ARF4: variants seen among roughly 807,000 people sequenced by gnomAD.
ARF4 encodes ARF GTPase 4.
In ARF4, 5 loss-of-function variants were observed where a neutral mutation model predicts 24.3. That is an observed-to-expected ratio of 0.21 (90% confidence interval 0.11 to 0.43). The LOEUF is 0.43. ARF4 is among the 20% of genes least tolerant of loss of function. The pLI, the probability that ARF4 is intolerant of heterozygous loss-of-function variation, is 1.00. For missense variants in ARF4, 107 were observed against 213.0 expected, an observed-to-expected ratio of 0.50 and a Z score of 3.10; for synonymous variants, 62 against 73.5, an observed-to-expected ratio of 0.84 and a Z score of 0.80.
intron 1 of ARF4, among the ~76,000 whole-genome samples, chr3:57,592,290 A>T (rs2070125012): frequency 6.6e-6 from 1 of 152,046 alleles, no homozygotes; most frequent in South Asian, 2.1e-4. Context: ...GGAGTTTGAG[A>T]CCAGCTTGAC....
At chr3:57,580,144 T>C (rs948897972) in intron 3 of ARF4, among the ~76,000 whole-genome samples, 12 of 152,092 alleles carry the variant, frequency 7.9e-5, no homozygotes, top group Admixed American at 3.3e-4. Context: ...GGAGCCAATA[T>C]AGTGTGGTGG....
chr3:57,573,933 GTTTT>G (rs201397852), intron 5 of ARF4, among the ~76,000 whole-genome samples: 1 of 146,454 alleles, frequency 6.8e-6, no homozygotes, highest in Non-Finnish European at 1.5e-5. Flanking sequence ...GCAATAGGTT[GTTTT>G]TTTTTGTTTG....
At chr3:57,590,097 A>C (rs967903619) in intron 1 of ARF4, among the ~76,000 whole-genome samples, 1 of 135,768 alleles carries the variant, frequency 7.4e-6, no homozygotes, top group Non-Finnish European at 1.6e-5. Context: ...CTCAATAAAT[A>C]AATAAATAAA....
rs565319788 is a variant in ARF4, at chr3:57,592,225, A to G, written c.67+4849T>C. ...ATATTTTGGCCAGGCACGGTGACTC[A>G]TGCCTGTAATCGCAGCACTTTGGGA... On this transcript the variant is annotated intron_variant, in intron 1 of 5. Transcript: ENST00000303436. Among the ~76,000 whole-genome samples the G allele has an allele frequency of 6.6e-5, 10 of 152,292 alleles. No homozygotes were observed. In the East Asian group the frequency reaches 1.7e-3, roughly 26 times the overall value.
At chr3:57,584,582 A>G in intron 1 of ARF4, 118 bp from the exon 2 acceptor site, 1 of 842,706 alleles carries the variant, frequency 1.2e-6, no homozygotes, top group South Asian at 1.8e-5. Flanking sequence ...CTTCTAAATG[A>G]GTTAGAAATG....
chr3:57,571,407 TGAA>T lies in ARF4; in HGVS notation c.*802_*804del, dbSNP rs1435144109. Reference sequence around the variant, plus strand: ...ATTAGGAATAATTCCAAATGGGTTATGAAGAAAATGTATTCATCGAATTTGATG... The same window carrying T: ...ATTAGGAATAATTCCAAATGGGTTATGAAAATGTATTCATCGAATTTGATG... On this transcript the variant is annotated 3_prime_UTR_variant, in exon 6 of 6. Transcript: ENST00000303436. The T allele has an allele frequency of 6.6e-6, 1 of 152,256 alleles. No individual in the cohort carries two copies. The highest frequency in any genetic ancestry group is 1.5e-5 in the Non-Finnish European group (1 of 67,988). 9.4% of individuals were successfully genotyped at this position (152,256 alleles called of 1,614,324 possible).
Position 57,597,190 on chromosome 3 carries a change from C to T in ARF4, c.-50G>A, listed in dbSNP as rs567294399. 6.4e-7 allele frequency: 1 copy of T among 1,553,060 alleles called. No homozygotes were observed. Among genetic ancestry groups the T allele is most frequent in the South Asian group, 1.1e-5 (1 of 89,078 alleles). On this transcript the variant is annotated 5_prime_UTR_variant, in exon 1 of 6. Coordinates refer to ENST00000303436, the MANE Select transcript of ARF4 (RefSeq NM_001660.4). ...CAGAAGCAGAAGGGGTTTGGGGCGACCCCGTGCTTTCTCCTTTCAAGCTCC... is the reference window on the plus strand; with the variant it reads ...CAGAAGCAGAAGGGGTTTGGGGCGATCCCGTGCTTTCTCCTTTCAAGCTCC...
In ARF4 at chr3:57,578,893, G is replaced by T. The variant is rs924467693; in HGVS notation, c.259-1506C>A. Among the ~76,000 whole-genome samples the T allele has an allele frequency of 5.9e-5, 9 of 151,710 alleles. No homozygotes were observed. The East Asian group carries it at 1.5e-3, about 26-fold the overall frequency. On this transcript the variant is annotated intron_variant, in intron 3 of 5. Coordinates refer to ENST00000303436, the MANE Select transcript of ARF4 (RefSeq NM_001660.4). ...GTATAGAATTTTCAGCTAGAAAAGGGGGGGGGCAAAAATAAAAATAATAAA... is the reference window on the plus strand; with the variant it reads ...GTATAGAATTTTCAGCTAGAAAAGGTGGGGGGCAAAAATAAAAATAATAAA...
chr3:57,593,832 C>G (rs1261667741), intron 1 of ARF4, among the ~76,000 whole-genome samples: 3 of 152,132 alleles, frequency 2.0e-5, no homozygotes, highest in Non-Finnish European at 4.4e-5. Context: ...AGCCCAAGAA[C>G]AGGCAAGATA....
intron 1 of ARF4, among the ~76,000 whole-genome samples, chr3:57,590,629 C>A (rs2070100929): frequency 2.0e-5 from 3 of 152,128 alleles, no homozygotes; most frequent in African/African-American, 7.2e-5. Context: ...TTCAAATTAT[C>A]TACAAGTTTG....
At chr3:57,580,407 T>A (rs1030186489) in intron 3 of ARF4, among the ~76,000 whole-genome samples, 2 of 152,054 alleles carry the variant, frequency 1.3e-5, no homozygotes, top group Non-Finnish European at 2.9e-5. Context: ...TGTTTCTTCT[T>A]TTTTTCAAAA....
At chr3:57,580,773 TC>T (rs1291279422) in intron 3 of ARF4, among the ~76,000 whole-genome samples, 1 of 144,438 alleles carries the variant, frequency 6.9e-6, no homozygotes, top group African/African-American at 2.5e-5. Context: ...CCATTTTTAT[TC>T]TTTTTTTTTT....
At chr3:57,587,496 T>C (rs1045473599) in intron 1 of ARF4, among the ~76,000 whole-genome samples, 3 of 152,014 alleles carry the variant, frequency 2.0e-5, no homozygotes, top group Non-Finnish European at 2.9e-5. Context: ...TGAATAATTA[T>C]TTTCCTTGCT....
intron 1 of ARF4, among the ~76,000 whole-genome samples, chr3:57,587,387 A>C (rs1443731372): frequency 6.6e-6 from 1 of 151,828 alleles, no homozygotes; most frequent in Admixed American, 6.6e-5. Context: ...AAGAAATCCA[A>C]GACAAATCAT....
chr3:57,591,632 A>C (rs968232451), intron 1 of ARF4, among the ~76,000 whole-genome samples: 1 of 151,990 alleles, frequency 6.6e-6, no homozygotes, highest in African/African-American at 2.4e-5. Context: ...ACACCCGGCT[A>C]ATTTTTGTAT....
chr3:57,572,673 CTCAA>C (rs779649825), intron 5 of ARF4, among the ~76,000 whole-genome samples: 2 of 152,100 alleles, frequency 1.3e-5, no homozygotes, highest in Non-Finnish European at 1.5e-5. Flanking sequence ...GAGACTCCGT[CTCAA>C]TCAATCAAGC....
chr3:57,586,509 G>C (rs1316781550), intron 1 of ARF4, among the ~76,000 whole-genome samples: 1 of 152,094 alleles, frequency 6.6e-6, no homozygotes, highest in Non-Finnish European at 1.5e-5. Context: ...ATAACTTTAA[G>C]TTCTTTTTGG....
chr3:57,579,253 C>CAAAAAAAAA (rs764058520), intron 3 of ARF4, among the ~76,000 whole-genome samples: 4 of 47,598 alleles, frequency 8.4e-5, no homozygotes, highest in African/African-American at 8.7e-5. Context: ...AACTACATCT[C>CAAAAAAAAA]AAAAAAAAAA....
intron 5 of ARF4, 73 bp from the exon 6 acceptor site, chr3:57,572,371 T>A: frequency 8.5e-7 from 1 of 1,175,690 alleles, no homozygotes; most frequent in Non-Finnish European, 1.3e-6. Context: ...ACTTTCTTAA[T>A]CAAACTTAAG....
Sources: allele counts gnomAD v4.1 joint callset (sites outside exome capture counted in the v4.1 genomes callset), GRCh38; gene constraint gnomAD v4.1.1; transcripts MANE v1.5; gene names NCBI Gene and HGNC (gene_info 2026-07-23, HGNC 2026-07-21).